PLD5: variants seen among roughly 807,000 people sequenced by gnomAD.
PLD5 encodes the protein phospholipase D family member 5.
PLD5 carries 36 observed loss-of-function variants against 61.1 expected under a neutral mutation model. The observed-to-expected ratio is 0.59, with a 90% CI of 0.45 to 0.78. The LOEUF is 0.78. Among genes scored for constraint, PLD5 ranks in the 30% least tolerant of loss-of-function variants. PLD5 has a pLI of 0.00. For synonymous variants in PLD5, 243 were observed against 242.8 expected, an observed-to-expected ratio of 1.00 and a Z score of -0.01; for missense variants, 515 against 644.4, an observed-to-expected ratio of 0.80 and a Z score of 2.17.
chr1:242,506,831 G>A (rs1668738718), intron 1 of PLD5, among the ~76,000 whole-genome samples: 1 of 152,220 alleles, frequency 6.6e-6, no homozygotes, highest in Admixed American at 6.5e-5. Context: ...GCATGGTTCA[G>A]CTTCCAAGCG....
In PLD5 at chr1:242,339,819, C is replaced by T. The variant is rs72763059; in HGVS notation, c.326+8287G>A. ...AGCTGAAGGAGTTACATCAGGTGGA[C>T]GCCATCTTCTCAACCAAAGCAATCT... On this transcript the variant is annotated intron_variant, in intron 2 of 9. Coordinates refer to ENST00000536534, the MANE Select transcript of PLD5 (RefSeq NM_001372062.1). Among the ~76,000 whole-genome samples, 606 of 152,170 alleles carry T rather than the reference C, an allele frequency of 4.0e-3. 8 individuals are homozygous for T. The highest frequency in any genetic ancestry group is 0.013 in the African/African-American group (544 of 41,508).
intron 1 of PLD5, among the ~76,000 whole-genome samples, chr1:242,414,891 G>C (rs185513978): frequency 1.3e-5 from 2 of 152,274 alleles, no homozygotes; most frequent in Non-Finnish European, 2.9e-5. Flanking sequence ...AGATGAAGGG[G>C]TTGGTAAAAT....
chr1:242,109,284 C>A (rs1208008825), intron 7 of PLD5, among the ~76,000 whole-genome samples: 1 of 152,200 alleles, frequency 6.6e-6, no homozygotes, highest in East Asian at 1.9e-4. Flanking sequence ...TTGAGACCAG[C>A]CTGGCCAACA....
At chr1:242,428,554 A>C (rs1191824901) in intron 1 of PLD5, among the ~76,000 whole-genome samples, 2 of 152,168 alleles carry the variant, frequency 1.3e-5, no homozygotes, top group Non-Finnish European at 2.9e-5. Flanking sequence ...TTTCAAATTC[A>C]CGAGCATAAT....
At chr1:242,129,338 G>T (rs1196087869) in intron 5 of PLD5, among the ~76,000 whole-genome samples, 1 of 152,100 alleles carries the variant, frequency 6.6e-6, no homozygotes, top group East Asian at 1.9e-4. Context: ...GATGTAAAGA[G>T]AATTACATTT....
rs566865815 is a variant in PLD5 at position 242,430,472 on chromosome 1, C to T, written c.190-82230G>A. Among the ~76,000 whole-genome samples, 12 of 152,250 alleles carry T rather than the reference C, an allele frequency of 7.9e-5. No individual in the cohort carries two copies. The South Asian group carries it at 1.5e-3, about 18-fold the overall frequency. On this transcript the variant is annotated intron_variant, in intron 1 of 9. Transcript: ENST00000536534. ...AGCTAATTACCTCTCAAAGGACACA[C>T]CTCCAAAGAGCATCACACCAAGCTT...
intron 2 of PLD5, among the ~76,000 whole-genome samples, chr1:242,288,738 T>C (rs12125208): frequency 0.89 from 135,069 of 152,252 alleles, 60,060 homozygotes; most frequent in East Asian, 0.94. Flanking sequence ...TTATGCTCTA[T>C]TTTTCCATAG....
chr1:242,263,822 G>T (rs1673504509), intron 4 of PLD5, among the ~76,000 whole-genome samples: 1 of 152,144 alleles, frequency 6.6e-6, no homozygotes, highest in African/African-American at 2.4e-5. Flanking sequence ...TCGTGCATTT[G>T]TCAATCACTA....
In PLD5 at chr1:242,439,963, G is replaced by C. The variant is rs567676199; in HGVS notation, c.189+84125C>G. On this transcript the variant is annotated intron_variant, in intron 1 of 9. Coordinates refer to ENST00000536534, the MANE Select transcript of PLD5 (RefSeq NM_001372062.1). ...TCAGTTTGGGAAACTCCAAATTACAGTTAGGTACTAAATACCTCCTGGGTG... is the reference window on the plus strand; with the variant it reads ...TCAGTTTGGGAAACTCCAAATTACACTTAGGTACTAAATACCTCCTGGGTG... 8.5e-5 allele frequency among the ~76,000 whole-genome samples: 13 copies of C among 152,310 alleles called. 1 individual carries two copies. Among genetic ancestry groups the C allele is most frequent in the African/African-American group, 3.1e-4 (13 of 41,572 alleles).
intron 1 of PLD5, among the ~76,000 whole-genome samples, chr1:242,499,768 T>C (rs1307534205): frequency 3.3e-5 from 5 of 150,774 alleles, no homozygotes; most frequent in Admixed American, 6.6e-5. Context: ...GCTCATGGAT[T>C]GTGCAGGCAG....
intron 5 of PLD5, among the ~76,000 whole-genome samples, chr1:242,140,611 T>C (rs1317364190): frequency 6.6e-6 from 1 of 152,136 alleles, no homozygotes; most frequent in East Asian, 1.9e-4. Flanking sequence ...CACTCCAGCT[T>C]GAGTAAAAGA....
chr1:242,464,625 A>T (rs913746489), intron 1 of PLD5, among the ~76,000 whole-genome samples: 1 of 152,246 alleles, frequency 6.6e-6, no homozygotes, highest in Non-Finnish European at 1.5e-5. Flanking sequence ...TTAAACACAG[A>T]AATACCAAGT....
intron 5 of PLD5, among the ~76,000 whole-genome samples, chr1:242,174,871 G>T (rs1463682658): frequency 6.6e-6 from 1 of 152,138 alleles, no homozygotes; most frequent in African/African-American, 2.4e-5. Context: ...GACATAGGAA[G>T]GGGAACGTCA....
At chr1:242,375,265 G>A (rs1364605404) in intron 1 of PLD5, among the ~76,000 whole-genome samples, 3 of 152,194 alleles carry the variant, frequency 2.0e-5, no homozygotes, top group African/African-American at 7.2e-5. Flanking sequence ...CCACTGTGCA[G>A]TCAGTCAGCC....
chr1:242,422,596 A>G (rs1665204298), intron 1 of PLD5, among the ~76,000 whole-genome samples: 3 of 152,152 alleles, frequency 2.0e-5, no homozygotes, highest in African/African-American at 7.2e-5. Flanking sequence ...TTTTTCCACA[A>G]GTTACATTAC....
chr1:242,301,977 C>T (rs1229305440), intron 2 of PLD5, among the ~76,000 whole-genome samples: 6 of 152,100 alleles, frequency 3.9e-5, no homozygotes, highest in African/African-American at 1.4e-4. Context: ...GACAGGGTTT[C>T]ACCATGCTGG....
Position 242,493,828 on chromosome 1 carries a change from A to G in PLD5, c.189+30260T>C, listed in dbSNP as rs1186523009. On this transcript the variant is annotated intron_variant, in intron 1 of 9. Coordinates refer to ENST00000536534, the MANE Select transcript of PLD5 (RefSeq NM_001372062.1). ...GCAGTGCTCCAGCAGAGAGGAACCC[A>G]TAACATGAAGGACTGGAAATAATAT... Among the ~76,000 whole-genome samples, 5 of 152,322 alleles carry G rather than the reference A, an allele frequency of 3.3e-5. No homozygotes were observed. The East Asian group carries it at 9.7e-4, about 30-fold the overall frequency.
intron 1 of PLD5, among the ~76,000 whole-genome samples, chr1:242,507,441 G>A (rs1404179097): frequency 1.3e-5 from 2 of 152,160 alleles, no homozygotes; most frequent in African/African-American, 2.4e-5. Flanking sequence ...GTGCTGCACT[G>A]GAAAGGACCT....
At chr1:242,169,658 C>A (rs1173664812) in intron 5 of PLD5, among the ~76,000 whole-genome samples, 3 of 152,118 alleles carry the variant, frequency 2.0e-5, no homozygotes, top group Non-Finnish European at 4.4e-5. Flanking sequence ...CCCATGGAGC[C>A]CAGCAAACTA....
Sources: gnomAD v4.1 joint callset for allele counts (sites outside exome capture counted in the v4.1 genomes callset) on GRCh38, gnomAD v4.1.1 for gene constraint, MANE v1.5 for transcripts, NCBI Gene and HGNC (gene_info 2026-07-23, HGNC 2026-07-21) for gene names.